Variants in DGCR2 observed in about 807,000 individuals in gnomAD.
The protein encoded by DGCR2 is integral membrane protein DGCR2/IDD.
In DGCR2, 24 loss-of-function variants were observed where a neutral mutation model predicts 51.6. The observed-to-expected ratio is 0.47, with a 90% CI of 0.34 to 0.65. DGCR2 has a LOEUF of 0.65. DGCR2 is among the 30% of genes least tolerant of loss of function. The pLI is 0.01. For synonymous variants in DGCR2, 340 were observed against 315.4 expected, an observed-to-expected ratio of 1.08 and a Z score of -0.82; for missense variants, 765 against 772.1, an observed-to-expected ratio of 0.99 and a Z score of 0.11.
chr22:19,092,900 G>A (rs200543787), intron 1 of DGCR2, among the ~76,000 whole-genome samples: 4 of 50,168 alleles, frequency 8.0e-5, no homozygotes, highest in African/African-American at 3.3e-4. Context: ...AAAATGAAGA[G>A]GAGGAGGAGG....
intron 1 of DGCR2, among the ~76,000 whole-genome samples, chr22:19,116,689 A>T (rs976527236): frequency 6.6e-5 from 10 of 152,166 alleles, no homozygotes; most frequent in Non-Finnish European, 1.2e-4. Flanking sequence ...GGGGTCCTTA[A>T]ATGTTGTCAC....
chr22:19,116,303 C>G (rs2083372567), intron 1 of DGCR2, among the ~76,000 whole-genome samples: 1 of 152,236 alleles, frequency 6.6e-6, no homozygotes, highest in Admixed American at 6.5e-5. Flanking sequence ...AGGCTATTCA[C>G]CCTCCAACCT....
At chr22:19,054,910 G>A (rs1403410191) in intron 6 of DGCR2, among the ~76,000 whole-genome samples, 4 of 152,080 alleles carry the variant, frequency 2.6e-5, no homozygotes, top group African/African-American at 4.8e-5. Flanking sequence ...CAAGACCAGC[G>A]TTCAAGACCA....
intron 2 of DGCR2, among the ~76,000 whole-genome samples, chr22:19,082,826 C>A (rs2082955870): frequency 6.6e-6 from 1 of 151,806 alleles, no homozygotes; most frequent in South Asian, 2.1e-4. Flanking sequence ...GTGGCTCATG[C>A]CCCCGTAATC....
chr22:19,109,255 T>C (rs1601305377), intron 1 of DGCR2, among the ~76,000 whole-genome samples: 1 of 152,190 alleles, frequency 6.6e-6, no homozygotes, highest in East Asian at 1.9e-4. Flanking sequence ...AAATTAAAAA[T>C]AGAATTACCA....
intron 1 of DGCR2, among the ~76,000 whole-genome samples, chr22:19,112,913 G>A (rs2083331929): frequency 1.4e-5 from 2 of 144,464 alleles, no homozygotes; most frequent in Non-Finnish European, 3.1e-5. Context: ...TACTAGTGGT[G>A]CGAATGCAGT....
Position 19,093,270 on chromosome 22 carries a change from G to A in DGCR2, c.80-3780C>T, listed in dbSNP as rs576687487. On this transcript the variant is annotated intron_variant, in intron 1 of 9. Transcript: ENST00000263196. ...AGCTACTCGGGAGGCTGAGGCAGGA[G>A]AATCGCTTGAATCTGGGAGGCGGAG... Among the ~76,000 whole-genome samples, 19 of 151,682 alleles carry A rather than the reference G, an allele frequency of 1.3e-4. No homozygotes were observed. In the South Asian group the frequency reaches 4.0e-3, roughly 32 times the overall value.
intron 5 of DGCR2, chr22:19,060,816 G>A: frequency 2.0e-6 from 1 of 501,074 alleles, no homozygotes; most frequent in South Asian, 1.5e-5. Flanking sequence ...GTGTGGGCCT[G>A]GGGGAGCGCC....
Position 19,057,097 on chromosome 22 carries a change from CGTT to C in DGCR2, c.688_690del (p.Asn230del), listed in dbSNP as rs1490825518. 1 of 1,606,758 alleles carries C rather than the reference CGTT, an allele frequency of 6.2e-7. No individual in the cohort carries two copies. Among genetic ancestry groups the C allele is most frequent in the Admixed American group, 1.7e-5 (1 of 58,824 alleles). The stretch of plus-strand genomic sequence containing the variant: ...AAGCACTGAAGCTGGGCACAGAACA[CGTT>C]GTCGTTCTCAGACATGGCCGAGGCA... On this transcript the variant is annotated inframe_deletion, in exon 6 of 10. Transcript: ENST00000263196. The surrounding 1 kb of genome is among the most constrained non-coding windows in gnomAD (Gnocchi z 5.1).
intron 1 of DGCR2, among the ~76,000 whole-genome samples, chr22:19,102,953 T>A (rs1457279531): frequency 6.6e-6 from 1 of 152,052 alleles, no homozygotes; most frequent in African/African-American, 2.4e-5. Context: ...CTGCAGTGAG[T>A]TATGATTTGA....
At chr22:19,094,060 A>G (rs1296812775) in intron 1 of DGCR2, among the ~76,000 whole-genome samples, 2 of 152,262 alleles carry the variant, frequency 1.3e-5, no homozygotes, top group Non-Finnish European at 2.9e-5. Context: ...CACTTAACCA[A>G]GGAAGATATA....
In DGCR2 at chr22:19,048,424, C is replaced by T. The variant is rs1286393812; in HGVS notation, c.1006+16G>A. ...AATAGGGAGGCTGACTTGGGACGTCCTATCAAGAGTCTCACCTGGGTCCAG... is the reference window on the plus strand; with the variant it reads ...AATAGGGAGGCTGACTTGGGACGTCTTATCAAGAGTCTCACCTGGGTCCAG... On this transcript the variant is annotated intron_variant, in intron 7 of 9. Coordinates refer to ENST00000263196, the MANE Select transcript of DGCR2 (RefSeq NM_005137.3). The T allele has an allele frequency of 2.5e-6, 4 of 1,613,728 alleles. No individual in the cohort carries two copies. The highest frequency in any genetic ancestry group is 3.4e-6 in the Non-Finnish European group (4 of 1,179,898).
At chr22:19,065,089 G>C (rs1339404785) in intron 3 of DGCR2, 22 bp from the exon 4 acceptor site, 5 of 1,606,788 alleles carry the variant, frequency 3.1e-6, no homozygotes, top group Non-Finnish European at 4.3e-6. Flanking sequence ...AAGGGGAGTT[G>C]TCCCCCAAGT....
chr22:19,089,984 A>G lies in DGCR2; in HGVS notation c.80-494T>C, dbSNP rs985538981. Among the ~76,000 whole-genome samples the G allele has an allele frequency of 2.6e-5, 4 of 152,262 alleles. No individual in the cohort carries two copies. The East Asian group carries it at 7.7e-4, about 29-fold the overall frequency. The stretch of plus-strand genomic sequence containing the variant: ...CAGCCGAGCTGAGTAGCTGCAGAAA[A>G]GACTATATGGCCTGCAAAGCTGAAA... On this transcript the variant is annotated intron_variant, in intron 1 of 9. Coordinates refer to ENST00000263196, the MANE Select transcript of DGCR2 (RefSeq NM_005137.3).
intron 2 of DGCR2, among the ~76,000 whole-genome samples, chr22:19,085,945 A>G (rs2083009829): frequency 6.6e-6 from 1 of 152,126 alleles, no homozygotes; most frequent in African/African-American, 2.4e-5. Flanking sequence ...TACTTCCCCC[A>G]CAAACACAAA....
chr22:19,048,718 C>T, intron 6 of DGCR2, 75 bp from the exon 7 acceptor site: 3 of 1,491,502 alleles, frequency 2.0e-6, no homozygotes, highest in Non-Finnish European at 1.9e-6. Context: ...GCCACACTGC[C>T]AAAAAAGGTA....
At chr22:19,054,222 A>G (rs1416331389) in intron 6 of DGCR2, among the ~76,000 whole-genome samples, 1 of 141,744 alleles carries the variant, frequency 7.1e-6, no homozygotes, top group East Asian at 2.0e-4. Context: ...TAGGAAATAC[A>G]CACTGAAGTA....
intron 2 of DGCR2, among the ~76,000 whole-genome samples, chr22:19,070,206 CACT>C (rs761481509): frequency 6.8e-4 from 103 of 152,252 alleles, no homozygotes; most frequent in Middle Eastern, 3.4e-3. Context: ...GGGATGCAGC[CACT>C]AGGATGGGGC....
intron 2 of DGCR2, 31 bp downstream of exon 2, chr22:19,089,337 G>T: frequency 6.4e-7 from 1 of 1,553,372 alleles, no homozygotes; most frequent in South Asian, 1.2e-5. Context: ...GAGACAAGGT[G>T]GTGTGTACCC....
Sources: allele counts gnomAD v4.1 joint callset (sites outside exome capture counted in the v4.1 genomes callset), GRCh38; gene constraint gnomAD v4.1.1; non-coding constraint Gnocchi (gnomAD v3.1); transcripts MANE v1.5; gene names NCBI Gene and HGNC (gene_info 2026-07-23, HGNC 2026-07-21).